The following RUFY3 variants were observed in gnomAD, a reference collection of about 807,000 sequenced individuals.
RUFY3 encodes the protein RUN and FYVE domain containing 3, also known as protein RUFY3.
A neutral mutation model predicts 84.0 loss-of-function variants in RUFY3; 34 were observed. That is an observed-to-expected ratio of 0.40 (90% CI 0.31 to 0.54). RUFY3 has a LOEUF of 0.54. Ranked by LOEUF, RUFY3 falls within the 20% of genes least tolerant of loss-of-function variation. The pLI is 0.39. For synonymous variants in RUFY3, 242 were observed against 252.9 expected, an observed-to-expected ratio of 0.96 and a Z score of 0.41; for missense variants, 507 against 736.8, an observed-to-expected ratio of 0.69 and a Z score of 3.61.
At chr4:70,800,269 T>G in intron 15 of RUFY3, 64 bp downstream of exon 15, 49 of 1,158,898 alleles carry the variant, frequency 4.2e-5, no homozygotes, top group Non-Finnish European at 5.4e-5. Context: ...AAGGAGGGAG[T>G]TCTTTATATA....
chr4:70,770,783 A>G (rs1726822394), intron 5 of RUFY3, among the ~76,000 whole-genome samples: 1 of 152,150 alleles, frequency 6.6e-6, no homozygotes, highest in Non-Finnish European at 1.5e-5. Context: ...CAAAAAGCCT[A>G]CCTTTTGGCC....
upstream of RUFY3, among the ~76,000 whole-genome samples, chr4:70,717,479 T>C (rs1415520974): frequency 1.3e-5 from 2 of 152,198 alleles, no homozygotes; most frequent in African/African-American, 4.8e-5. Flanking sequence ...GTATGGGTTG[T>C]GCAGCATTAA....
At chr4:70,782,985 C>T (rs1729199790) in intron 8 of RUFY3, 106 bp from the exon 9 acceptor site, 1 of 670,454 alleles carries the variant, frequency 1.5e-6, no homozygotes, top group Non-Finnish European at 2.5e-6. Flanking sequence ...TCCTTGCTTT[C>T]TAAGAATATC....
At chr4:70,769,345 A>T (rs1726550317) in intron 5 of RUFY3, among the ~76,000 whole-genome samples, 1 of 152,228 alleles carries the variant, frequency 6.6e-6, no homozygotes, top group Non-Finnish European at 1.5e-5. Flanking sequence ...AAAATTTTTT[A>T]AATAAAAAGT....
At chr4:70,730,814 A>G (rs1719131783) in intron 1 of RUFY3, among the ~76,000 whole-genome samples, 1 of 152,184 alleles carries the variant, frequency 6.6e-6, no homozygotes, top group Admixed American at 6.5e-5. Flanking sequence ...ATTCAAACTC[A>G]GACTACCAAT....
chr4:70,789,440 G>T, intron 11 of RUFY3, 55 bp from the exon 12 acceptor site: 4 of 1,463,234 alleles, frequency 2.7e-6, no homozygotes, highest in Non-Finnish European at 1.9e-6. Context: ...GGCATGTGTG[G>T]TTGTATTTTA....
chr4:70,802,394 G>GCT (rs1560578310), intron 15 of RUFY3, among the ~76,000 whole-genome samples: 1 of 152,144 alleles, frequency 6.6e-6, no homozygotes, highest in Non-Finnish European at 1.5e-5. Flanking sequence ...TCTCATTTAG[G>GCT]CTCTAGTCCA....
chr4:70,758,765 G>C (rs1033757707), intron 1 of RUFY3, among the ~76,000 whole-genome samples: 3 of 151,918 alleles, frequency 2.0e-5, no homozygotes, highest in Non-Finnish European at 4.4e-5. Context: ...ATTGCCAGGC[G>C]TGGTGGCTCA....
intron 1 of RUFY3, among the ~76,000 whole-genome samples, chr4:70,754,145 C>T (rs886823241): frequency 4.6e-5 from 7 of 151,962 alleles, no homozygotes; most frequent in Non-Finnish European, 7.4e-5. Context: ...TTCTGCCTGC[C>T]GGGTTCAAGT....
chr4:70,791,216 T>C (rs772724005), intron 12 of RUFY3: 4 of 1,609,200 alleles, frequency 2.5e-6, no homozygotes, highest in Non-Finnish European at 3.4e-6. Flanking sequence ...TCATTTTTAT[T>C]TTATTTAGTG....
At chr4:70,723,179 G>A (rs1187377558) in intron 1 of RUFY3, among the ~76,000 whole-genome samples, 1 of 152,028 alleles carries the variant, frequency 6.6e-6, no homozygotes, top group East Asian at 1.9e-4. Context: ...AGAAACACCA[G>A]GGTATTTGGT....
At chr4:70,794,546 A>T (rs1731270343) in intron 13 of RUFY3, 1 of 429,356 alleles carries the variant, frequency 2.3e-6, no homozygotes, top group Admixed American at 4.4e-5. Context: ...ATGCCACTGC[A>T]CTCCAGCCTG....
At chr4:70,806,030 G>C (rs1044456302) in intron 17 of RUFY3, among the ~76,000 whole-genome samples, 1 of 152,162 alleles carries the variant, frequency 6.6e-6, no homozygotes, top group African/African-American at 2.4e-5. Flanking sequence ...TAACCCAGTG[G>C]ATGTGCTTAC....
At chr4:70,729,559 T>G (rs1004535122) in intron 1 of RUFY3, among the ~76,000 whole-genome samples, 6 of 152,108 alleles carry the variant, frequency 3.9e-5, no homozygotes, top group African/African-American at 1.4e-4. Context: ...TGCTTGAGTT[T>G]TTCTCTCCTC....
At chr4:70,717,530 T>C (rs956373441), upstream of RUFY3, among the ~76,000 whole-genome samples, 1 of 152,140 alleles carries the variant, frequency 6.6e-6, no homozygotes, top group African/African-American at 2.4e-5. Flanking sequence ...TTTCTTCAAA[T>C]CTTAAATTTG....
intron 4 of RUFY3, 72 bp downstream of exon 4, chr4:70,764,648 T>G: frequency 1.2e-6 from 1 of 864,732 alleles, no homozygotes; most frequent in Non-Finnish European, 1.8e-6. Flanking sequence ...ACCATATAAG[T>G]TCACTATTTT....
intron 4 of RUFY3, among the ~76,000 whole-genome samples, chr4:70,765,621 G>T (rs1560516450): frequency 6.6e-6 from 1 of 152,144 alleles, no homozygotes; most frequent in South Asian, 2.1e-4. Context: ...AAAGAACCTT[G>T]TTCATTCCAG....
At chr4:70,768,397 G>GTTT in intron 4 of RUFY3, 141 bp from the exon 5 acceptor site, 3 of 638,204 alleles carry the variant, frequency 4.7e-6, no homozygotes, top group South Asian at 6.9e-5. Context: ...TCTTTTTGTA[G>GTTT]TTTTTTTTTT....
chr4:70,791,145 T>C lies in RUFY3; in HGVS notation c.1337+1553T>C, dbSNP rs1277761697. The C allele has an allele frequency of 9.3e-6, 11 of 1,183,140 alleles. No individual in the cohort carries two copies. In the East Asian group the frequency reaches 1.2e-4, roughly 13 times the overall value. 73.3% of individuals were successfully genotyped at this position (1,183,140 alleles called of 1,614,324 possible). A position where few individuals can be genotyped will look rare whatever the true frequency, so the allele number is the denominator to read the frequency against. Reference sequence around the variant, plus strand: ...TCTCTTTGAGTATTAAGCTGACTTATTCTCTTGCTATTTTTGTGTTTCCTG... The same window carrying C: ...TCTCTTTGAGTATTAAGCTGACTTACTCTCTTGCTATTTTTGTGTTTCCTG... On this transcript the variant is annotated intron_variant, in intron 12 of 17. Coordinates refer to ENST00000381006, the MANE Select transcript of RUFY3 (RefSeq NM_001037442.4).
Sources: allele counts gnomAD v4.1 joint callset (sites outside exome capture counted in the v4.1 genomes callset), GRCh38; gene constraint gnomAD v4.1.1; transcripts MANE v1.5; gene names NCBI Gene and HGNC (gene_info 2026-07-23, HGNC 2026-07-21).